The following ALAD variants were observed in gnomAD, a reference collection of about 807,000 sequenced individuals.
ALAD encodes the protein delta-aminolevulinic acid dehydratase.
A neutral mutation model predicts 44.4 loss-of-function variants in ALAD; 20 were observed. The observed-to-expected ratio is 0.45, with a 90% CI of 0.32 to 0.65. ALAD has a LOEUF of 0.65. Among genes scored for constraint, ALAD ranks in the 30% least tolerant of loss-of-function variants. The pLI is 0.05. For synonymous variants in ALAD, 156 were observed against 167.9 expected (o/e 0.93, Z 0.55); for missense variants, 323 against 445.7 (o/e 0.72, Z 2.48).
chr9:113,399,972 A>T (rs1417826951), intron 1 of ALAD, among the ~76,000 whole-genome samples: 1 of 152,190 alleles, frequency 6.6e-6, no homozygotes, highest in Non-Finnish European at 1.5e-5. Flanking sequence ...ACATTTCTTG[A>T]ATATCTACTA....
In ALAD at chr9:113,391,624, C is replaced by T; in HGVS notation, c.165-1G>A. On this transcript the variant is annotated splice_acceptor_variant, in intron 3 of 11. Transcript: ENST00000409155. LOFTEE classifies it high-confidence loss of function. ...CTCTTCCAGCCGCTTCACACCATAC[C>T]TGTGTGGGTGTGGGTAGAGGGGTTG... is the stretch of plus-strand genomic sequence containing the variant. 1 of 1,612,658 alleles carries T rather than the reference C, an allele frequency of 6.2e-7. No homozygotes were observed.
At chr9:113,391,449 C>T (rs934419023) in intron 4 of ALAD, 78 bp downstream of exon 4, 16 of 1,252,602 alleles carry the variant, frequency 1.3e-5, no homozygotes, top group Middle Eastern at 1.9e-4. Context: ...AGTGATCCAC[C>T]CACTTTGGCC....
At chr9:113,395,520 C>T (rs1000395329) in intron 1 of ALAD, among the ~76,000 whole-genome samples, 2 of 152,224 alleles carry the variant, frequency 1.3e-5, no homozygotes, top group African/African-American at 4.8e-5. Flanking sequence ...TATTTAATTA[C>T]GTGAAGTACA....
intron 1 of ALAD, among the ~76,000 whole-genome samples, chr9:113,397,615 C>CTTTCCTT (rs1827764267): frequency 7.1e-6 from 1 of 141,778 alleles, no homozygotes; most frequent in African/African-American, 2.6e-5. Flanking sequence ...GTTTTTTTTC[C>CTTTCCTT]TTTTCTTTTT....
chr9:113,393,008 C>T (rs1827636971), intron 2 of ALAD, among the ~76,000 whole-genome samples: 1 of 151,986 alleles, frequency 6.6e-6, no homozygotes, highest in Non-Finnish European at 1.5e-5. Flanking sequence ...TTAGTAGAGA[C>T]AGGGTTTCAC....
At chr9:113,391,441 T>A (rs1827581219) in intron 4 of ALAD, 86 bp downstream of exon 4, 2 of 1,172,056 alleles carry the variant, frequency 1.7e-6, no homozygotes, top group East Asian at 4.7e-5. Flanking sequence ...TGGGCTCAAG[T>A]GATCCACCCA....
At chr9:113,388,829 A>G (rs913509411) in intron 11 of ALAD, 148 bp downstream of exon 11, 26 of 1,313,208 alleles carry the variant, frequency 2.0e-5, no homozygotes, top group African/African-American at 1.9e-4. Flanking sequence ...CTGCAGTTCC[A>G]TATCTCTTCC....
At chr9:113,400,407 G>A (rs575630545) in intron 1 of ALAD, among the ~76,000 whole-genome samples, 2 of 152,316 alleles carry the variant, frequency 1.3e-5, no homozygotes, top group African/African-American at 4.8e-5. Flanking sequence ...TAAGTATGTG[G>A]GCTCTGGAGT....
chr9:113,393,654 G>T lies in ALAD; in HGVS notation c.-75-20C>A. 1 of 993,824 alleles carries T rather than the reference G, an allele frequency of 1.0e-6. No homozygotes were observed. The highest frequency in any genetic ancestry group is 1.6e-6 in the Non-Finnish European group (1 of 623,660). The allele number at this position is 993,824 out of a possible 1,614,324, so 61.6% of individuals were successfully genotyped here. ...CTCTGTCTGTGGGGGGTGATGGGTGGCACATGAGACATGGTCCCTGTCCTC... is the reference window on the plus strand; with the variant it reads ...CTCTGTCTGTGGGGGGTGATGGGTGTCACATGAGACATGGTCCCTGTCCTC... On this transcript the variant is annotated intron_variant, in intron 1 of 11. Transcript: ENST00000409155.
intron 2 of ALAD, among the ~76,000 whole-genome samples, chr9:113,392,737 G>C (rs1247115638): frequency 6.6e-6 from 1 of 151,810 alleles, no homozygotes; most frequent in African/African-American, 2.4e-5. Context: ...ATGTGTGTAG[G>C]TGCTTAGCAT....
At chr9:113,397,525 T>TC (rs1435132055) in intron 1 of ALAD, 1 of 150,848 alleles carries the variant, frequency 6.6e-6, no homozygotes, top group Non-Finnish European at 1.5e-5. Flanking sequence ...TGTCTCAACC[T>TC]CCAAACAGAC....
chr9:113,400,158 T>C (rs1005626202), intron 1 of ALAD, among the ~76,000 whole-genome samples: 3 of 152,162 alleles, frequency 2.0e-5, no homozygotes, highest in Non-Finnish European at 4.4e-5. Context: ...GTTTGCTGAT[T>C]GTATCACTGA....
At chr9:113,398,441 A>C (rs1482467966) in intron 1 of ALAD, among the ~76,000 whole-genome samples, 12 of 152,182 alleles carry the variant, frequency 7.9e-5, no homozygotes, top group Admixed American at 7.9e-4. Flanking sequence ...CTGAGGGAAC[A>C]ACTGGCTCCT....
At chr9:113,391,061 GCA>G (rs1827568173) in intron 4 of ALAD, 128 bp from the exon 5 acceptor site, 10 of 1,319,600 alleles carry the variant, frequency 7.6e-6, no homozygotes, top group Admixed American at 2.0e-5. Flanking sequence ...GGATAAGGAA[GCA>G]CAGAGGACTG....
intron 2 of ALAD, 63 bp from the exon 3 acceptor site, chr9:113,392,232 AC>A (rs1168607896): frequency 1.2e-6 from 2 of 1,611,842 alleles, no homozygotes; most frequent in Admixed American, 1.7e-5. Flanking sequence ...TGCGGGGGCG[AC>A]TGAGAGGGAT....
intron 1 of ALAD, among the ~76,000 whole-genome samples, chr9:113,399,185 C>T (rs1827801892): frequency 6.6e-6 from 1 of 152,188 alleles, no homozygotes; most frequent in Non-Finnish European, 1.5e-5. Flanking sequence ...AGTAATTGAC[C>T]TTTCAGTGTT....
rs8177797 is a variant in ALAD at position 113,393,108 on chromosome 9, G to A, written c.113+339C>T. 21,845 of 303,274 alleles carry A rather than the reference G, an allele frequency of 0.072. 1,041 individuals are homozygous for A. Among genetic ancestry groups the A allele is most frequent in the South Asian group, 0.13 (3,888 of 29,392 alleles). 18.8% of individuals were successfully genotyped at this position (303,274 alleles called of 1,614,324 possible). Reference sequence around the variant, plus strand: ...GCTGGGATTACAGGCGTGAGCCACCGTGCCCAGCCTCAATGACTGCCATCT... The same window carrying A: ...GCTGGGATTACAGGCGTGAGCCACCATGCCCAGCCTCAATGACTGCCATCT... On this transcript the variant is annotated intron_variant, in intron 2 of 11. Coordinates refer to ENST00000409155, the MANE Select transcript of ALAD (RefSeq NM_000031.6).
intron 1 of ALAD, among the ~76,000 whole-genome samples, chr9:113,396,004 A>G (rs950106885): frequency 4.6e-5 from 7 of 152,000 alleles, no homozygotes; most frequent in African/African-American, 1.7e-4. Flanking sequence ...GACCAGCCTG[A>G]CCAACATGGT....
At chr9:113,399,827 C>T (rs1176334129) in intron 1 of ALAD, among the ~76,000 whole-genome samples, 2 of 152,096 alleles carry the variant, frequency 1.3e-5, no homozygotes, top group Non-Finnish European at 2.9e-5. Flanking sequence ...CTGCCACTGG[C>T]CAGGGAGGAG....
Sources: allele counts gnomAD v4.1 joint callset (sites outside exome capture counted in the v4.1 genomes callset), GRCh38; gene constraint gnomAD v4.1.1; transcripts MANE v1.5; gene names NCBI Gene and HGNC (gene_info 2026-07-23, HGNC 2026-07-21).